The following MAML2 variants were observed in gnomAD, a reference collection of about 807,000 sequenced individuals.
MAML2 encodes mastermind-like protein 2.
In MAML2, 22 loss-of-function variants were observed where a neutral mutation model predicts 96.1. The observed-to-expected ratio is 0.23, with a 90% CI of 0.16 to 0.33. The LOEUF is 0.33. Ranked by LOEUF, MAML2 falls within the 10% of genes least tolerant of loss-of-function variation. The pLI is 1.00. For missense variants in MAML2, 1,367 were observed against 1,392.4 expected (o/e 0.98, Z 0.29); for synonymous variants, 561 against 521.3 (o/e 1.08, Z -1.04).
At chr11:96,250,257 T>C (rs1352541449) in intron 1 of MAML2, among the ~76,000 whole-genome samples, 1 of 144,414 alleles carries the variant, frequency 6.9e-6, no homozygotes, top group Non-Finnish European at 1.5e-5. Flanking sequence ...TTAAAAATTT[T>C]TTATTCTTAA....
In MAML2 at chr11:95,991,830, A is replaced by G. The variant is rs746237347; in HGVS notation, c.2140-107T>C. On this transcript the variant is annotated intron_variant, in intron 2 of 4. Coordinates refer to ENST00000524717, the MANE Select transcript of MAML2 (RefSeq NM_032427.4). ...CCAAACATTTTTCATCTTATTAAAG[A>G]TCAAACATGGTTAAATGGGTTGGAG... The G allele has an allele frequency of 3.0e-4, 248 of 832,058 alleles. 1 individual carries two copies. The highest frequency in any genetic ancestry group is 4.3e-4 in the Non-Finnish European group (221 of 512,904). The allele number at this position is 832,058 out of a possible 1,614,324, so 51.5% of individuals were successfully genotyped here. A position where few individuals can be genotyped will look rare whatever the true frequency, so the allele number is the denominator to read the frequency against.
At chr11:96,292,674 C>A (rs1158713173) in intron 1 of MAML2, among the ~76,000 whole-genome samples, 1 of 152,226 alleles carries the variant, frequency 6.6e-6, no homozygotes, top group Non-Finnish European at 1.5e-5. Flanking sequence ...TAGTCATTCA[C>A]AGCAATACTG....
intron 1 of MAML2, among the ~76,000 whole-genome samples, chr11:96,316,789 A>G (rs1407420864): frequency 6.6e-6 from 1 of 152,190 alleles, no homozygotes; most frequent in African/African-American, 2.4e-5. Flanking sequence ...AGTATGGACA[A>G]TACTAGAAAG....
At chr11:96,036,308 T>C (rs150319665) in intron 2 of MAML2, among the ~76,000 whole-genome samples, 259 of 152,262 alleles carry the variant, frequency 1.7e-3, no homozygotes, top group Non-Finnish European at 2.9e-3. Flanking sequence ...AGGTTTTAAG[T>C]AGGGGTAGAA....
At chr11:96,261,866 T>C (rs1162986310) in intron 1 of MAML2, among the ~76,000 whole-genome samples, 1 of 152,274 alleles carries the variant, frequency 6.6e-6, no homozygotes, top group Non-Finnish European at 1.5e-5. Flanking sequence ...TTCACCAATA[T>C]GTGTTATGTT....
chr11:96,221,044 T>C (rs1862129517), intron 1 of MAML2, among the ~76,000 whole-genome samples: 1 of 152,200 alleles, frequency 6.6e-6, no homozygotes, highest in Non-Finnish European at 1.5e-5. Context: ...AACAAGTATT[T>C]ATTGAGCACT....
At chr11:95,997,375 G>A (rs1858008168) in intron 2 of MAML2, among the ~76,000 whole-genome samples, 1 of 152,124 alleles carries the variant, frequency 6.6e-6, no homozygotes, top group Non-Finnish European at 1.5e-5. Flanking sequence ...TAGCATGCCA[G>A]TGCTTAAGTA....
chr11:96,175,282 G>T (rs1861366892), intron 1 of MAML2, among the ~76,000 whole-genome samples: 1 of 152,160 alleles, frequency 6.6e-6, no homozygotes, highest in Non-Finnish European at 1.5e-5. Context: ...AAGGGAAATG[G>T]AAACCAAATT....
intron 1 of MAML2, among the ~76,000 whole-genome samples, chr11:96,173,602 C>T (rs1861335258): frequency 1.3e-5 from 2 of 152,270 alleles, no homozygotes; most frequent in African/African-American, 4.8e-5. Context: ...GGCAGAATAA[C>T]TCGTAAGAGG....
Position 95,979,555 on chromosome 11 carries a change from A to G in MAML2, c.2864T>C (p.Val955Ala), listed in dbSNP as rs1343920931. The change falls in exon 5 of 5, where the codon GTA (valine) becomes GCA (alanine). Residue 955 changes from valine to alanine, a missense_variant. Val to Ala is a moderately conservative substitution (Grantham distance 64). Coordinates refer to ENST00000524717, the MANE Select transcript of MAML2 (RefSeq NM_032427.4). ...ASMPPQRTSN[V>A]MITSNTTAPN... ...TGCAGTTGTGTTGGATGTGATCATT[A>G]CGTTTGATGTTCTCTGTGGTGGCAT... 1 of 1,613,280 alleles carries G rather than the reference A, an allele frequency of 6.2e-7. No individual in the cohort carries two copies. Among genetic ancestry groups the G allele is most frequent in the Non-Finnish European group, 8.5e-7 (1 of 1,179,672 alleles).
chr11:96,088,895 G>A (rs1239778411), intron 2 of MAML2, among the ~76,000 whole-genome samples: 2 of 152,064 alleles, frequency 1.3e-5, no homozygotes, highest in African/African-American at 2.4e-5. Flanking sequence ...GTAAAGGGAA[G>A]GTCACCTTGC....
chr11:96,233,702 C>A (rs1393211759), intron 1 of MAML2, among the ~76,000 whole-genome samples: 1 of 152,160 alleles, frequency 6.6e-6, no homozygotes, highest in African/African-American at 2.4e-5. Context: ...AGCTACCATG[C>A]CTGACCCCCA....
At chr11:96,264,319 TG>T in intron 1 of MAML2, among the ~76,000 whole-genome samples, 1 of 152,330 alleles carries the variant, frequency 6.6e-6, no homozygotes, top group Admixed American at 6.5e-5. Context: ...GTTTAGTATC[TG>T]GAAACCCTGA....
intron 2 of MAML2, among the ~76,000 whole-genome samples, chr11:96,079,983 A>G (rs1021156907): frequency 2.6e-5 from 4 of 152,194 alleles, no homozygotes; most frequent in East Asian, 1.9e-4. Context: ...GAGCTGTTAG[A>G]TGGTATGAGA....
chr11:96,071,837 A>T (rs1028964917), intron 2 of MAML2, among the ~76,000 whole-genome samples: 1 of 152,188 alleles, frequency 6.6e-6, no homozygotes, highest in Non-Finnish European at 1.5e-5. Flanking sequence ...ATACATTAAA[A>T]CAGGTCAACA....
At chr11:96,273,238 A>G (rs1429552153) in intron 1 of MAML2, among the ~76,000 whole-genome samples, 1 of 152,244 alleles carries the variant, frequency 6.6e-6, no homozygotes, top group African/African-American at 2.4e-5. Flanking sequence ...AATCAAGGCA[A>G]TAATCTTGTC....
rs571205709 is a variant in MAML2 at position 96,293,606 on chromosome 11, T to C, written c.513+47777A>G. 1.7e-4 allele frequency among the ~76,000 whole-genome samples: 26 copies of C among 152,162 alleles called. 1 individual carries two copies. The highest frequency in any genetic ancestry group is 5.8e-4 in the African/African-American group (24 of 41,536). On this transcript the variant is annotated intron_variant, in intron 1 of 4. Transcript: ENST00000524717. ...AACAGTAACAACAGCAAAATATCAATCTTGAAGACTCCAGCAGTAGGGACC... is the reference window on the plus strand; with the variant it reads ...AACAGTAACAACAGCAAAATATCAACCTTGAAGACTCCAGCAGTAGGGACC...
chr11:96,325,039 C>G (rs1205502575), intron 1 of MAML2, among the ~76,000 whole-genome samples: 1 of 152,192 alleles, frequency 6.6e-6, no homozygotes, highest in Admixed American at 6.5e-5. Context: ...TTGTTTCAGC[C>G]TCTCTTATTC....
chr11:96,040,973 T>C (rs1858797910), intron 2 of MAML2, among the ~76,000 whole-genome samples: 1 of 152,240 alleles, frequency 6.6e-6, no homozygotes, highest in Non-Finnish European at 1.5e-5. Flanking sequence ...ATCCACGTTG[T>C]TGCATGTAGT....
Sources: allele counts gnomAD v4.1 joint callset (sites outside exome capture counted in the v4.1 genomes callset), GRCh38; gene constraint gnomAD v4.1.1; transcripts MANE v1.5; gene names NCBI Gene and HGNC (gene_info 2026-07-23, HGNC 2026-07-21).